Variants in SNX24 observed in about 807,000 individuals in gnomAD.
SNX24 encodes the protein sorting nexin 24, also known as sorting nexin-24.
In SNX24, 22 loss-of-function variants were observed where a neutral mutation model predicts 28.7. The ratio of observed to expected loss-of-function variants is 0.77; its 90% CI spans 0.55 to 1.10. The LOEUF (loss-of-function observed/expected upper bound fraction) is 1.10, where lower values mean the gene tolerates loss of function less well. SNX24 is among the 50% of genes least tolerant of loss of function. The pLI is 0.00. For missense variants in SNX24, 221 were observed against 201.1 expected, an observed-to-expected ratio of 1.10 and a Z score of -0.60; for synonymous variants, 69 against 71.5, an observed-to-expected ratio of 0.96 and a Z score of 0.18.
chr5:122,918,871 G>A (rs909747081), intron 1 of SNX24, among the ~76,000 whole-genome samples: 3 of 152,150 alleles, frequency 2.0e-5, no homozygotes, highest in Admixed American at 6.5e-5. Flanking sequence ...GGGCTAAAAC[G>A]TGATTTAAGA....
At chr5:122,870,653 A>G (rs1755928016) in intron 1 of SNX24, among the ~76,000 whole-genome samples, 1 of 152,210 alleles carries the variant, frequency 6.6e-6, no homozygotes, top group Non-Finnish European at 1.5e-5. Context: ...GAATCATCCA[A>G]TCATAGGAAT....
At chr5:122,962,400 A>T (rs1245032970) in intron 3 of SNX24, among the ~76,000 whole-genome samples, 1 of 152,250 alleles carries the variant, frequency 6.6e-6, no homozygotes, top group African/African-American at 2.4e-5. Context: ...TAAATATGAC[A>T]TATCACCTTT....
chr5:123,010,632 T>G (rs1483463396), downstream of SNX24, among the ~76,000 whole-genome samples: 1 of 152,114 alleles, frequency 6.6e-6, no homozygotes, highest in Non-Finnish European at 1.5e-5. Context: ...TAATAAAAAA[T>G]ATATAAAACT....
intron 1 of SNX24, among the ~76,000 whole-genome samples, chr5:122,902,923 A>G (rs564719610): frequency 6.6e-6 from 1 of 151,980 alleles, no homozygotes; most frequent in East Asian, 1.9e-4. Flanking sequence ...CAAATATATC[A>G]TTGCAATTCT....
At chr5:122,879,341 G>A (rs1399936253) in intron 1 of SNX24, among the ~76,000 whole-genome samples, 1 of 152,190 alleles carries the variant, frequency 6.6e-6, no homozygotes, top group African/African-American at 2.4e-5. Flanking sequence ...AAGAATAAAG[G>A]TATCCTGTTT....
At chr5:122,959,671 GT>G (rs1185949626) in intron 3 of SNX24, among the ~76,000 whole-genome samples, 15 of 148,552 alleles carry the variant, frequency 1.0e-4, no homozygotes, top group African/African-American at 2.5e-4. Context: ...TTGTTTTTGG[GT>G]TTTTTTTTTA....
At chr5:122,964,480 C>A (rs1321791821) in intron 3 of SNX24, among the ~76,000 whole-genome samples, 1 of 151,724 alleles carries the variant, frequency 6.6e-6, no homozygotes, top group African/African-American at 2.4e-5. Context: ...TATAGTATGC[C>A]TTCTTTGTCT....
chr5:122,981,392 A>G (rs1224321307), intron 3 of SNX24, among the ~76,000 whole-genome samples: 2 of 152,236 alleles, frequency 1.3e-5, no homozygotes, highest in Non-Finnish European at 2.9e-5. Flanking sequence ...TATCAGCAAT[A>G]GGAGAGTGAG....
At chr5:122,892,349 T>G (rs569493642) in intron 1 of SNX24, among the ~76,000 whole-genome samples, 1 of 152,282 alleles carries the variant, frequency 6.6e-6, no homozygotes, top group East Asian at 1.9e-4. Flanking sequence ...TTAACTAGAG[T>G]AATGATCTTT....
intron 1 of SNX24, among the ~76,000 whole-genome samples, chr5:122,920,188 A>G (rs917960505): frequency 4.6e-5 from 7 of 152,212 alleles, no homozygotes; most frequent in African/African-American, 1.7e-4. Context: ...AAATGAGCAG[A>G]GGGCATGTGG....
intron 1 of SNX24, among the ~76,000 whole-genome samples, chr5:122,920,829 CTG>C (rs1195245381): frequency 6.6e-6 from 1 of 152,146 alleles, no homozygotes; most frequent in Non-Finnish European, 1.5e-5. Flanking sequence ...TGCAGAAAAA[CTG>C]AGGGGAAAAC....
At chr5:122,936,492 T>G (rs1759182886) in intron 1 of SNX24, among the ~76,000 whole-genome samples, 1 of 152,168 alleles carries the variant, frequency 6.6e-6, no homozygotes, top group African/African-American at 2.4e-5. Flanking sequence ...TTTTTTTTTA[T>G]GCATTTAAGT....
At chr5:122,987,376 T>C (rs569322885) in intron 3 of SNX24, among the ~76,000 whole-genome samples, 1 of 152,334 alleles carries the variant, frequency 6.6e-6, no homozygotes, top group South Asian at 2.1e-4. Context: ...CCAAGCAAAC[T>C]GTTTTAACAA....
chr5:122,997,751 ATTTATT>A (rs1470330312), intron 3 of SNX24, among the ~76,000 whole-genome samples: 1 of 152,182 alleles, frequency 6.6e-6, no homozygotes, highest in Non-Finnish European at 1.5e-5. Flanking sequence ...TATTGATTTA[ATTTATT>A]TTAAGAAGGT....
chr5:122,974,251 A>T (rs560899128), intron 3 of SNX24, among the ~76,000 whole-genome samples: 1 of 152,124 alleles, frequency 6.6e-6, no homozygotes, highest in African/African-American at 2.4e-5. Flanking sequence ...TTATTTCTCA[A>T]CCTCTGGCAT....
At chr5:122,913,413 C>T (rs937589201) in intron 1 of SNX24, among the ~76,000 whole-genome samples, 4 of 151,082 alleles carry the variant, frequency 2.6e-5, no homozygotes, top group African/African-American at 4.8e-5. Flanking sequence ...CACCTCCCTC[C>T]CGGACGGGGC....
At chr5:122,893,548 G>C (rs1348253708) in intron 1 of SNX24, among the ~76,000 whole-genome samples, 1 of 152,046 alleles carries the variant, frequency 6.6e-6, no homozygotes, top group Non-Finnish European at 1.5e-5. Context: ...AGTTATATAT[G>C]TAAAGTGTGA....
At chr5:122,857,893 C>G (rs1755279162) in intron 1 of SNX24, among the ~76,000 whole-genome samples, 1 of 152,142 alleles carries the variant, frequency 6.6e-6, no homozygotes, top group Admixed American at 6.5e-5. Flanking sequence ...AGCGATTCTC[C>G]TGCCTCAGCC....
chr5:122,954,109 T>C (rs1032302951), intron 3 of SNX24, among the ~76,000 whole-genome samples: 3 of 152,088 alleles, frequency 2.0e-5, no homozygotes, highest in Admixed American at 6.6e-5. Flanking sequence ...ACTTTTCCAG[T>C]TGTACATGAA....
Sources: allele counts gnomAD v4.1 joint callset (sites outside exome capture counted in the v4.1 genomes callset), GRCh38; gene constraint gnomAD v4.1.1; transcripts MANE v1.5; gene names NCBI Gene and HGNC (gene_info 2026-07-23, HGNC 2026-07-21).